The following ATG10 variants were observed in gnomAD, a reference collection of about 807,000 sequenced individuals.
ATG10 encodes autophagy related 10.
A neutral mutation model predicts 32.1 loss-of-function variants in ATG10; 30 were observed. That is an observed-to-expected ratio of 0.94 (90% CI 0.70 to 1.27). The LOEUF is 1.27. ATG10 is among the 50% of genes most tolerant of loss of function. The pLI is 0.00. For synonymous variants in ATG10, 87 were observed against 91.5 expected (o/e 0.95, Z 0.28); for missense variants, 233 against 262.3 (o/e 0.89, Z 0.77).
intron 1 of ATG10, among the ~76,000 whole-genome samples, chr5:81,974,001 T>C (rs1025524162): frequency 1.3e-5 from 2 of 152,248 alleles, no homozygotes; most frequent in Non-Finnish European, 2.9e-5. Flanking sequence ...TTATGTATAA[T>C]GTTTTGTGAC....
chr5:81,979,527 C>CA (rs869262529), intron 1 of ATG10, among the ~76,000 whole-genome samples: 87 of 148,022 alleles, frequency 5.9e-4, no homozygotes, highest in Non-Finnish European at 1.0e-3. Context: ...CACTCCGTCT[C>CA]AAAAAAAAAA....
intron 3 of ATG10, among the ~76,000 whole-genome samples, chr5:82,148,919 C>G (rs866574492): frequency 6.6e-6 from 1 of 152,088 alleles, no homozygotes; most frequent in South Asian, 2.1e-4. Flanking sequence ...TTCCACCTAT[C>G]TCTGAAATAT....
intron 1 of ATG10, among the ~76,000 whole-genome samples, chr5:81,986,103 T>C (rs1761261873): frequency 6.6e-6 from 1 of 152,032 alleles, no homozygotes; most frequent in East Asian, 1.9e-4. Context: ...AGAGATGGGG[T>C]TTCACCGTGT....
rs952863225 is a variant in ATG10, at chr5:82,108,371, CCT to C, written c.216+49770_216+49771del. Among the ~76,000 whole-genome samples the C allele has an allele frequency of 1.3e-4, 20 of 151,566 alleles. 1 individual carries two copies. The highest frequency in any genetic ancestry group is 4.4e-4 in the African/African-American group (18 of 41,230). On this transcript the variant is annotated intron_variant, in intron 3 of 7. Transcript: ENST00000282185. ...GTGTATCTACAGAGAACCCTAGACA[CCT>C]ATATATATGTGCATATATATACACA...
intron 1 of ATG10, among the ~76,000 whole-genome samples, chr5:81,979,209 C>G (rs1016299488): frequency 6.8e-6 from 1 of 147,116 alleles, no homozygotes; most frequent in Non-Finnish European, 1.5e-5. Context: ...CTGAATTTTT[C>G]TTTTATTCAT....
intron 3 of ATG10, among the ~76,000 whole-genome samples, chr5:82,071,946 C>T (rs1443601186): frequency 6.6e-6 from 1 of 152,126 alleles, no homozygotes; most frequent in African/African-American, 2.4e-5. Context: ...GAGTTTTAAA[C>T]ACCAGGAAGT....
At chr5:82,132,597 T>G (rs1766585955) in intron 3 of ATG10, among the ~76,000 whole-genome samples, 1 of 152,138 alleles carries the variant, frequency 6.6e-6, no homozygotes, top group Non-Finnish European at 1.5e-5. Context: ...TCCTTTTTTA[T>G]GAGTGCATGT....
chr5:82,016,512 T>A lies in ATG10; in HGVS notation c.108+28834T>A, dbSNP rs1013414172. On this transcript the variant is annotated intron_variant, in intron 2 of 7. Coordinates refer to ENST00000282185, the MANE Select transcript of ATG10 (RefSeq NM_031482.5). ...TAGTATAGTTTGAAGTCAAGAAATGTAATGCCTCCAGATTTGTTCTTTCTG... is the reference window on the plus strand; with the variant it reads ...TAGTATAGTTTGAAGTCAAGAAATGAAATGCCTCCAGATTTGTTCTTTCTG... Among the ~76,000 whole-genome samples the A allele has an allele frequency of 3.9e-5, 6 of 152,328 alleles. No homozygotes were observed. The East Asian group carries it at 7.7e-4, about 20-fold the overall frequency.
chr5:82,221,549 G>T (rs541380013), intron 5 of ATG10, among the ~76,000 whole-genome samples: 2 of 152,206 alleles, frequency 1.3e-5, no homozygotes, highest in East Asian at 3.9e-4. Flanking sequence ...CCGTGTCTTG[G>T]TGTGGCCACC....
At chr5:82,158,138 T>C (rs1286170854) in intron 3 of ATG10, among the ~76,000 whole-genome samples, 1 of 152,310 alleles carries the variant, frequency 6.6e-6, no homozygotes, top group East Asian at 1.9e-4. Context: ...ATCAGATTTT[T>C]TAAATGAGAG....
At chr5:82,072,322 G>GT (rs1764154964) in intron 3 of ATG10, among the ~76,000 whole-genome samples, 1 of 152,156 alleles carries the variant, frequency 6.6e-6, no homozygotes, top group Non-Finnish European at 1.5e-5. Flanking sequence ...TGCAGGGATT[G>GT]TTTGGTAGCT....
At chr5:82,135,041 G>A (rs1453732219) in intron 3 of ATG10, among the ~76,000 whole-genome samples, 1 of 151,516 alleles carries the variant, frequency 6.6e-6, no homozygotes, top group African/African-American at 2.4e-5. Context: ...TCTGATGTTA[G>A]TTTGTATTTC....
intron 5 of ATG10, among the ~76,000 whole-genome samples, chr5:82,217,983 A>C (rs547444501): frequency 4.6e-5 from 7 of 151,856 alleles, no homozygotes; most frequent in African/African-American, 1.4e-4. Context: ...TCTCTAAATT[A>C]AAACAAAACA....
intron 2 of ATG10, among the ~76,000 whole-genome samples, chr5:82,029,307 A>G (rs1762680004): frequency 7.7e-6 from 1 of 130,358 alleles, no homozygotes; most frequent in Non-Finnish European, 1.7e-5. Context: ...ATTGAATGTA[A>G]TAATTATACA....
In ATG10 at chr5:82,253,536, G is replaced by A. The variant is rs1368982699; in HGVS notation, c.*4+107G>A. The A allele has an allele frequency of 4.1e-6, 3 of 729,874 alleles. No individual in the cohort carries two copies. The East Asian group carries it at 8.0e-5, about 19-fold the overall frequency. The allele number at this position is 729,874 out of a possible 1,614,324, so 45.2% of individuals were successfully genotyped here. A position where few individuals can be genotyped will look rare whatever the true frequency, so the allele number is the denominator to read the frequency against. The stretch of plus-strand genomic sequence containing the variant: ...CAAAATTTGCTTTCATCTTTAGTGG[G>A]CAAACCCTGACTTAATTTTTAGTTT... On this transcript the variant is annotated intron_variant, in intron 7 of 7. Coordinates refer to ENST00000282185, the MANE Select transcript of ATG10 (RefSeq NM_031482.5).
chr5:81,999,151 A>AAG (rs1761759532), intron 2 of ATG10, among the ~76,000 whole-genome samples: 1 of 151,656 alleles, frequency 6.6e-6, no homozygotes, highest in Non-Finnish European at 1.5e-5. Context: ...GCCAAAAAAA[A>AAG]AAAAAAAAGC....
chr5:82,180,657 A>C (rs1451479420), intron 5 of ATG10, among the ~76,000 whole-genome samples: 6 of 152,178 alleles, frequency 3.9e-5, no homozygotes, highest in Non-Finnish European at 1.5e-5. Context: ...TGGTTGTAAG[A>C]GTCAAGAAAG....
chr5:82,200,463 CTTTTTT>C (rs764388608), intron 5 of ATG10, among the ~76,000 whole-genome samples: 2 of 52,492 alleles, frequency 3.8e-5, no homozygotes, highest in Non-Finnish European at 7.1e-5. Flanking sequence ...TCCCTAACTT[CTTTTTT>C]TTTTTTTTTT....
chr5:82,250,913 A>G (rs1747231252), intron 5 of ATG10, among the ~76,000 whole-genome samples: 1 of 152,244 alleles, frequency 6.6e-6, no homozygotes, highest in Non-Finnish European at 1.5e-5. Flanking sequence ...AGGACTTGGC[A>G]TAGGCCCAAC....
Sources: allele counts gnomAD v4.1 joint callset (sites outside exome capture counted in the v4.1 genomes callset), GRCh38; gene constraint gnomAD v4.1.1; transcripts MANE v1.5; gene names NCBI Gene and HGNC (gene_info 2026-07-23, HGNC 2026-07-21).